CCSER2: variants seen among roughly 807,000 people sequenced by gnomAD.
The protein encoded by CCSER2 is serine-rich coiled-coil domain-containing protein 2.
In CCSER2, 46 loss-of-function variants were observed where a neutral mutation model predicts 92.3. The ratio of observed to expected loss-of-function variants is 0.50; its 90% CI spans 0.39 to 0.64. CCSER2 has a LOEUF of 0.64. Among genes scored for constraint, CCSER2 ranks in the 30% least tolerant of loss-of-function variants. CCSER2 has a pLI of 0.00. For missense variants in CCSER2, 1,244 were observed against 1,238.9 expected (o/e 1.00, Z -0.06); for synonymous variants, 433 against 431.4 (o/e 1.00, Z -0.04).
At chr10:84,461,735 A>G (rs958601810) in intron 6 of CCSER2, among the ~76,000 whole-genome samples, 1 of 151,624 alleles carries the variant, frequency 6.6e-6, no homozygotes, top group African/African-American at 2.4e-5. Flanking sequence ...AATTTTAATA[A>G]CAGCTCTGTT....
chr10:84,332,507 C>T (rs1332643484), intron 1 of CCSER2, among the ~76,000 whole-genome samples: 11 of 134,396 alleles, frequency 8.2e-5, no homozygotes, highest in African/African-American at 2.3e-4. Flanking sequence ...GGTGCCATCT[C>T]GGCTCACTGC....
intron 4 of CCSER2, among the ~76,000 whole-genome samples, chr10:84,420,241 G>C (rs1564645127): frequency 6.6e-6 from 1 of 152,206 alleles, no homozygotes; most frequent in Non-Finnish European, 1.5e-5. Context: ...TTGAGGTCTT[G>C]ATTGGGGACT....
chr10:84,480,995 A>G (rs1847424394), intron 9 of CCSER2, among the ~76,000 whole-genome samples: 1 of 152,142 alleles, frequency 6.6e-6, no homozygotes, highest in Non-Finnish European at 1.5e-5. Flanking sequence ...CTTGAAATAA[A>G]TTACTACAGT....
At chr10:84,380,995 C>A (rs1447531195) in intron 3 of CCSER2, among the ~76,000 whole-genome samples, 1 of 152,144 alleles carries the variant, frequency 6.6e-6, no homozygotes, top group Non-Finnish European at 1.5e-5. Context: ...CCACCATGCC[C>A]AGCCTCTCTG....
chr10:84,449,788 G>T (rs77744831), intron 6 of CCSER2, among the ~76,000 whole-genome samples: 1 of 151,178 alleles, frequency 6.6e-6, no homozygotes, highest in Admixed American at 6.6e-5. Flanking sequence ...CAGAGGTTGC[G>T]GTGAGCTGAG....
intron 1 of CCSER2, among the ~76,000 whole-genome samples, chr10:84,360,647 CAG>C (rs1433659993): frequency 6.6e-6 from 1 of 152,230 alleles, no homozygotes; most frequent in Non-Finnish European, 1.5e-5. Flanking sequence ...CCCGCTCTTG[CAG>C]AGTTAGTCTC....
chr10:84,360,695 G>A (rs909554028), intron 1 of CCSER2, among the ~76,000 whole-genome samples: 2 of 152,026 alleles, frequency 1.3e-5, no homozygotes, highest in Admixed American at 6.6e-5. Context: ...ATTCCAGATC[G>A]GCAGAATCAA....
At chr10:84,439,588 A>G (rs1038444569) in intron 6 of CCSER2, among the ~76,000 whole-genome samples, 1 of 152,196 alleles carries the variant, frequency 6.6e-6, no homozygotes, top group Non-Finnish European at 1.5e-5. Flanking sequence ...TGTGTTAGAA[A>G]TGATGGTTAA....
intron 9 of CCSER2, chr10:84,500,078 T>A (rs1848645704): frequency 7.2e-7 from 1 of 1,390,970 alleles, no homozygotes; most frequent in Non-Finnish European, 9.9e-7. Context: ...TGCAGGCATC[T>A]GCTAAAGCAG....
chr10:84,432,379 C>G (rs1843824606), intron 5 of CCSER2, among the ~76,000 whole-genome samples: 1 of 152,098 alleles, frequency 6.6e-6, no homozygotes, highest in Non-Finnish European at 1.5e-5. Context: ...GCATAGTACC[C>G]AACAATTTTT....
chr10:84,348,031 C>T lies in CCSER2; in HGVS notation c.-40+19223C>T, dbSNP rs907299312. On this transcript the variant is annotated intron_variant, in intron 1 of 9. Transcript: ENST00000372088. ...CGATGGGCGGCCAGGCAGAGACGCT[C>T]GTCACTTCCCAGATGGGGTGGCGGC... is the stretch of plus-strand genomic sequence containing the variant. Among the ~76,000 whole-genome samples, 8 of 152,198 alleles carry T rather than the reference C, an allele frequency of 5.3e-5. No homozygotes were observed. The East Asian group carries it at 9.7e-4, about 18-fold the overall frequency.
At position 84,517,859 on chromosome 10, in the gene CCSER2, A is replaced by G. The variant is rs1398281935; in HGVS notation, c.*3592A>G. 2 of 152,632 alleles carry G rather than the reference A, an allele frequency of 1.3e-5. No homozygotes were observed. The highest frequency in any genetic ancestry group is 4.8e-5 in the African/African-American group (2 of 41,452). The allele number at this position is 152,632 out of a possible 1,614,324, so 9.5% of individuals were successfully genotyped here. A position where few individuals can be genotyped will look rare whatever the true frequency, so the allele number is the denominator to read the frequency against. ...CTTGGTTTCTGAGCAGAGTTGTCATACTGGTTTCCTGGTCTCTAGGGCACT... is the reference window on the plus strand; with the variant it reads ...CTTGGTTTCTGAGCAGAGTTGTCATGCTGGTTTCCTGGTCTCTAGGGCACT... On this transcript the variant is annotated 3_prime_UTR_variant, in exon 10 of 10. Transcript: ENST00000372088.
chr10:84,409,684 A>G (rs990026681), intron 3 of CCSER2, among the ~76,000 whole-genome samples: 1 of 151,880 alleles, frequency 6.6e-6, no homozygotes, highest in East Asian at 1.9e-4. Flanking sequence ...GTTAATGTAT[A>G]TGTTTGTTGT....
At chr10:84,339,782 C>T (rs1466557757) in intron 1 of CCSER2, among the ~76,000 whole-genome samples, 1 of 150,810 alleles carries the variant, frequency 6.6e-6, no homozygotes, top group East Asian at 2.0e-4. Context: ...GCCACTATTT[C>T]TTTTTTTGTA....
intron 1 of CCSER2, among the ~76,000 whole-genome samples, chr10:84,329,582 A>G (rs1316830739): frequency 6.6e-6 from 1 of 152,226 alleles, no homozygotes; most frequent in Non-Finnish European, 1.5e-5. Flanking sequence ...TAAAATAGCC[A>G]TATGAAAAGC....
At chr10:84,338,941 G>T (rs2132999811) in intron 1 of CCSER2, among the ~76,000 whole-genome samples, 1 of 152,094 alleles carries the variant, frequency 6.6e-6, no homozygotes, top group East Asian at 1.9e-4. Flanking sequence ...CATTACAGTT[G>T]CTTCTTAACC....
chr10:84,419,987 G>T (rs1462141050), intron 4 of CCSER2, among the ~76,000 whole-genome samples: 49 of 152,188 alleles, frequency 3.2e-4, no homozygotes, highest in Non-Finnish European at 2.9e-5. Flanking sequence ...TTGATGATCT[G>T]GGAAATTTAA....
At chr10:84,357,871 A>T (rs1845274940) in intron 1 of CCSER2, among the ~76,000 whole-genome samples, 1 of 152,202 alleles carries the variant, frequency 6.6e-6, no homozygotes, top group Non-Finnish European at 1.5e-5. Flanking sequence ...CACATAATGG[A>T]TGTTCAGTAA....
chr10:84,364,481 T>G (rs1018615015), intron 1 of CCSER2, among the ~76,000 whole-genome samples: 1 of 152,182 alleles, frequency 6.6e-6, no homozygotes, highest in Non-Finnish European at 1.5e-5. Context: ...TTTGACAGTT[T>G]ATGAATTTGT....
Sources: allele counts gnomAD v4.1 joint callset (sites outside exome capture counted in the v4.1 genomes callset), GRCh38; gene constraint gnomAD v4.1.1; transcripts MANE v1.5; gene names NCBI Gene and HGNC (gene_info 2026-07-23, HGNC 2026-07-21).